Variants in NT5DC3 observed in about 807,000 individuals in gnomAD.
The protein encoded by NT5DC3 is 5'-nucleotidase domain-containing protein 3.
In NT5DC3, 42 loss-of-function variants were observed where a neutral mutation model predicts 67.8. That is an observed-to-expected ratio of 0.62 (90% CI 0.48 to 0.80). The LOEUF is 0.80. NT5DC3 is among the 30% of genes least tolerant of loss of function. The pLI is 0.00. For synonymous variants in NT5DC3, 237 were observed against 255.6 expected, an observed-to-expected ratio of 0.93 and a Z score of 0.69; for missense variants, 570 against 696.4, an observed-to-expected ratio of 0.82 and a Z score of 2.04.
intron 7 of NT5DC3, 38 bp from the exon 8 acceptor site, chr12:103,793,550 T>A: frequency 1.4e-6 from 2 of 1,451,230 alleles, no homozygotes; most frequent in African/African-American, 2.8e-5. Flanking sequence ...AGATTCAGCA[T>A]GATATTTGTC....
chr12:103,810,847 T>C (rs1262467534), intron 2 of NT5DC3, among the ~76,000 whole-genome samples: 1 of 152,326 alleles, frequency 6.6e-6, no homozygotes, highest in East Asian at 1.9e-4. Context: ...AACACTGCTG[T>C]GGGTTCCTGA....
chr12:103,819,293 C>T (rs1887393766), intron 1 of NT5DC3, among the ~76,000 whole-genome samples: 1 of 152,142 alleles, frequency 6.6e-6, no homozygotes, highest in East Asian at 1.9e-4. Context: ...AAGTTAAGAA[C>T]AAACATGAAT....
chr12:103,830,071 A>G (rs1180159452), intron 1 of NT5DC3, among the ~76,000 whole-genome samples: 1 of 152,212 alleles, frequency 6.6e-6, no homozygotes, highest in Non-Finnish European at 1.5e-5. Context: ...ATCGTGGTTG[A>G]CATTTACAAG....
chr12:103,804,320 A>G (rs752868646), intron 4 of NT5DC3, among the ~76,000 whole-genome samples: 2 of 152,206 alleles, frequency 1.3e-5, no homozygotes, highest in Non-Finnish European at 2.9e-5. Flanking sequence ...CTTAACACTG[A>G]TAACAGAGGC....
chr12:103,839,323 T>C (rs1042914926), intron 1 of NT5DC3, among the ~76,000 whole-genome samples: 7 of 152,182 alleles, frequency 4.6e-5, no homozygotes, highest in Non-Finnish European at 8.8e-5. Context: ...CTCAACTCAC[T>C]GCAGTCTCAA....
the NT5DC3 span, among the ~76,000 whole-genome samples, chr12:103,760,348 C>CTCCT: frequency 5.9e-5 from 9 of 152,180 alleles, no homozygotes; most frequent in African/African-American, 2.2e-4. Flanking sequence ...GCAACCTCCC[C>CTCCT]CTCCTGGATT....
rs545645592 is a variant in NT5DC3 at position 103,776,603 on chromosome 12, A to G, written c.*1226T>C. On this transcript the variant is annotated 3_prime_UTR_variant, in exon 14 of 14. Transcript: ENST00000392876. ...TGAGAAAAGCTTGGTTAGCTAGGTCATATCTATTCCTTAGCTTCAATGTCC... is the reference window on the plus strand; with the variant it reads ...TGAGAAAAGCTTGGTTAGCTAGGTCGTATCTATTCCTTAGCTTCAATGTCC... 6.6e-6 allele frequency: 1 copy of G among 152,010 alleles called. No individual in the cohort carries two copies. Among genetic ancestry groups the G allele is most frequent in the Non-Finnish European group, 1.5e-5 (1 of 67,964 alleles). The allele number at this position is 152,010 out of a possible 1,614,324, so 9.4% of individuals were successfully genotyped here.
intron 1 of NT5DC3, among the ~76,000 whole-genome samples, chr12:103,840,401 A>G (rs1467202729): frequency 2.7e-5 from 4 of 145,800 alleles, no homozygotes; most frequent in African/African-American, 7.7e-5. Context: ...ATCTCATCTC[A>G]TCTCATCTCA....
chr12:103,814,537 T>C (rs1688173864), intron 2 of NT5DC3, among the ~76,000 whole-genome samples: 2 of 152,230 alleles, frequency 1.3e-5, no homozygotes, highest in African/African-American at 4.8e-5. Flanking sequence ...GACATTCAAA[T>C]ATGCTGTACT....
chr12:103,800,669 T>C (rs187606901), intron 4 of NT5DC3, among the ~76,000 whole-genome samples: 354 of 152,318 alleles, frequency 2.3e-3, no homozygotes, highest in Non-Finnish European at 3.7e-3. Flanking sequence ...GCAGCAGGCA[T>C]GGGCAGATTG....
chr12:103,789,319 C>T (rs1037343761), intron 9 of NT5DC3, among the ~76,000 whole-genome samples: 1 of 152,050 alleles, frequency 6.6e-6, no homozygotes, highest in Non-Finnish European at 1.5e-5. Flanking sequence ...AGCTACTCAA[C>T]AGGCTGAGGC....
chr12:103,836,685 G>A (rs10861120), intron 1 of NT5DC3, among the ~76,000 whole-genome samples: 8,320 of 152,196 alleles, frequency 0.055, 624 homozygotes, highest in East Asian at 0.29. Context: ...TTTAACTTGG[G>A]ATTTTGGGAC....
chr12:103,793,998 CT>C lies in NT5DC3; in HGVS notation c.754-2del, dbSNP rs1393176173. ...TGATGTGGACGTCTCGAATTGAATC[CT>C]GCCAAAAGATACATTTTTAATCAGC... On this transcript the variant is annotated splice_acceptor_variant, in intron 6 of 13. Transcript: ENST00000392876. LOFTEE classifies it high-confidence loss of function. The C allele has an allele frequency of 6.2e-7, 1 of 1,613,098 alleles. No individual in the cohort carries two copies.
chr12:103,777,658 C>T lies in NT5DC3; in HGVS notation c.*171G>A. 1 of 726,840 alleles carries T rather than the reference C, an allele frequency of 1.4e-6. No homozygotes were observed. The highest frequency in any genetic ancestry group is 2.2e-6 in the Non-Finnish European group (1 of 456,798). 45.0% of individuals were successfully genotyped at this position (726,840 alleles called of 1,614,324 possible). ...TGGGGGGAAAGGCTGGAGGGGTGGGCTGCTAGCTCCTGTCTTAACCATTGG... is the reference window on the plus strand; with the variant it reads ...TGGGGGGAAAGGCTGGAGGGGTGGGTTGCTAGCTCCTGTCTTAACCATTGG... On this transcript the variant is annotated 3_prime_UTR_variant, in exon 14 of 14. Transcript: ENST00000392876.
intron 1 of NT5DC3, among the ~76,000 whole-genome samples, chr12:103,827,644 G>T (rs1887750157): frequency 6.6e-6 from 1 of 152,140 alleles, no homozygotes; most frequent in Non-Finnish European, 1.5e-5. Context: ...TCATGAAACA[G>T]TTCCTCAAAA....
the NT5DC3 span, among the ~76,000 whole-genome samples, chr12:103,754,159 G>A: frequency 6.6e-6 from 1 of 152,122 alleles, no homozygotes; most frequent in South Asian, 2.1e-4. Flanking sequence ...CCTTTACCAA[G>A]GAATAAAGCC....
At chr12:103,757,106 C>G in the NT5DC3 span, among the ~76,000 whole-genome samples, 2 of 147,024 alleles carry the variant, frequency 1.4e-5, no homozygotes, top group African/African-American at 5.0e-5. Context: ...TGTTTGTTTT[C>G]TTAAGAGAGT....
intron 1 of NT5DC3, among the ~76,000 whole-genome samples, chr12:103,823,224 C>T (rs938201949): frequency 7.5e-6 from 1 of 134,218 alleles, no homozygotes; most frequent in Admixed American, 7.5e-5. Flanking sequence ...TTAGAAGTTA[C>T]AAAAAAAAAA....
At position 103,805,036 on chromosome 12, in the gene NT5DC3, A is replaced by C. The variant is rs1406594447; in HGVS notation, c.524+1286T>G. Among the ~76,000 whole-genome samples the C allele has an allele frequency of 2.0e-5, 3 of 150,170 alleles. No individual in the cohort carries two copies. In the East Asian group the frequency reaches 6.0e-4, roughly 30 times the overall value. ...ACTGCACTCCAGCCTGGGCAACAAG[A>C]GGGAGACTCCATCTCAATAACAAAA... On this transcript the variant is annotated intron_variant, in intron 4 of 13. Coordinates refer to ENST00000392876, the MANE Select transcript of NT5DC3 (RefSeq NM_001031701.3).
Sources: allele counts gnomAD v4.1 joint callset (sites outside exome capture counted in the v4.1 genomes callset), GRCh38; gene constraint gnomAD v4.1.1; transcripts MANE v1.5; gene names NCBI Gene and HGNC (gene_info 2026-07-23, HGNC 2026-07-21).